Variants in ETV1 observed in about 807,000 individuals in gnomAD.
ETV1 encodes ETS variant transcription factor 1.
ETV1 carries 27 observed loss-of-function variants against 62.3 expected under a neutral mutation model. The observed-to-expected ratio is 0.43, with a 90% CI of 0.32 to 0.60. The LOEUF is 0.60. ETV1 is among the 20% of genes least tolerant of loss of function. ETV1 has a pLI of 0.06. For synonymous variants in ETV1, 222 were observed against 199.6 expected (o/e 1.11, Z -0.94); for missense variants, 605 against 605.8 (o/e 1.00, Z 0.01).
intron 7 of ETV1, among the ~76,000 whole-genome samples, chr7:13,937,487 A>G (rs1386101573): frequency 1.3e-5 from 2 of 152,230 alleles, no homozygotes; most frequent in Non-Finnish European, 2.9e-5. Flanking sequence ...TCATCCCCCA[A>G]AAGAAACACA....
chr7:13,907,708 T>A (rs1783115039), intron 11 of ETV1: 2 of 351,658 alleles, frequency 5.7e-6, no homozygotes, highest in Non-Finnish European at 1.2e-5. Context: ...AAAGAAACAA[T>A]CCAGACAAAA....
chr7:13,961,551 G>A (rs1411707575), intron 6 of ETV1, among the ~76,000 whole-genome samples: 1 of 151,932 alleles, frequency 6.6e-6, no homozygotes, highest in Non-Finnish European at 1.5e-5. Flanking sequence ...AATTATTATT[G>A]CTTTACATTG....
At chr7:13,903,143 T>C (rs1782604478) in intron 12 of ETV1, among the ~76,000 whole-genome samples, 1 of 152,058 alleles carries the variant, frequency 6.6e-6, no homozygotes, top group Non-Finnish European at 1.5e-5. Flanking sequence ...GTTTCCAATA[T>C]GGAGTGGGAA....
chr7:13,979,653 A>C (rs1225100954), intron 5 of ETV1, among the ~76,000 whole-genome samples: 2 of 152,172 alleles, frequency 1.3e-5, no homozygotes, highest in Non-Finnish European at 2.9e-5. Flanking sequence ...ACAGCTAAAC[A>C]GATATAACTA....
At chr7:13,910,309 C>T (rs949553787) in intron 10 of ETV1, among the ~76,000 whole-genome samples, 16 of 141,838 alleles carry the variant, frequency 1.1e-4, no homozygotes, top group African/African-American at 4.2e-4. Flanking sequence ...ATAATAATGT[C>T]CTCTCTCAAA....
intron 7 of ETV1, among the ~76,000 whole-genome samples, chr7:13,937,857 G>A (rs547701809): frequency 9.2e-5 from 14 of 152,270 alleles, no homozygotes; most frequent in Middle Eastern, 3.4e-3. Context: ...GAACCTCTTA[G>A]AAAAGCAAAT....
At position 13,892,055 on chromosome 7, in the gene ETV1, T is replaced by C. The variant is rs1425292758; in HGVS notation, c.*3811A>G. 3 of 232,084 alleles carry C rather than the reference T, an allele frequency of 1.3e-5. No homozygotes were observed. The highest frequency in any genetic ancestry group is 1.7e-5 in the Non-Finnish European group (2 of 117,474). The allele number at this position is 232,084 out of a possible 1,614,324, so 14.4% of individuals were successfully genotyped here. ...GCAATATATTTCTTTCCTGGTTATA[T>C]AAAGATAAGTTGACTCATTTTGCAA... On this transcript the variant is annotated 3_prime_UTR_variant, in exon 14 of 14. Coordinates refer to ENST00000430479, the MANE Select transcript of ETV1 (RefSeq NM_004956.5).
chr7:13,965,075 C>T (rs1432939317), intron 6 of ETV1, among the ~76,000 whole-genome samples: 1 of 152,144 alleles, frequency 6.6e-6, no homozygotes, highest in African/African-American at 2.4e-5. Flanking sequence ...CTACTGCCTC[C>T]ATTCCCAAAC....
At chr7:13,983,425 T>C (rs1317435848) in intron 5 of ETV1, among the ~76,000 whole-genome samples, 2 of 151,978 alleles carry the variant, frequency 1.3e-5, no homozygotes, top group Non-Finnish European at 2.9e-5. Flanking sequence ...TTTCAGGTTG[T>C]TAAGAATAAG....
intron 7 of ETV1, among the ~76,000 whole-genome samples, chr7:13,937,534 A>G (rs539887848): frequency 6.6e-6 from 1 of 152,346 alleles, no homozygotes; most frequent in African/African-American, 2.4e-5. Flanking sequence ...TGATTTGTGG[A>G]TGTCAGATAT....
intron 7 of ETV1, among the ~76,000 whole-genome samples, chr7:13,936,634 G>A (rs2128456866): frequency 6.6e-6 from 1 of 152,252 alleles, no homozygotes; most frequent in East Asian, 1.9e-4. Flanking sequence ...GCTTTCCTAG[G>A]TGTAACTTTC....
At chr7:13,978,600 C>G (rs1176377953) in intron 5 of ETV1, among the ~76,000 whole-genome samples, 1 of 151,792 alleles carries the variant, frequency 6.6e-6, no homozygotes, top group East Asian at 1.9e-4. Context: ...CTTAAATGAG[C>G]CTATTCTGCA....
chr7:13,982,162 A>C (rs1782050116), intron 5 of ETV1, among the ~76,000 whole-genome samples: 1 of 152,066 alleles, frequency 6.6e-6, no homozygotes, highest in Non-Finnish European at 1.5e-5. Flanking sequence ...TCCTAACTAA[A>C]ACTGACCTGC....
chr7:13,962,200 C>A (rs1258652725), intron 6 of ETV1, among the ~76,000 whole-genome samples: 2 of 149,920 alleles, frequency 1.3e-5, no homozygotes, highest in African/African-American at 5.0e-5. Flanking sequence ...CACACACACA[C>A]ACGTGTGTGT....
intron 5 of ETV1, among the ~76,000 whole-genome samples, chr7:13,981,809 G>C (rs1583892283): frequency 1.3e-5 from 2 of 152,030 alleles, no homozygotes; most frequent in East Asian, 3.9e-4. Context: ...AATTTCTCAT[G>C]AGAAATTTAA....
intron 6 of ETV1, among the ~76,000 whole-genome samples, chr7:13,943,757 A>G (rs919441695): frequency 1.3e-5 from 2 of 152,222 alleles, no homozygotes; most frequent in Admixed American, 1.3e-4. Context: ...CTTGCTGGAA[A>G]CATTTTATAT....
intron 6 of ETV1, among the ~76,000 whole-genome samples, chr7:13,942,874 A>G (rs1328348198): frequency 6.6e-6 from 1 of 152,180 alleles, no homozygotes; most frequent in Non-Finnish European, 1.5e-5. Flanking sequence ...ATTGGAGACT[A>G]TAATGTTTAA....
chr7:13,947,812 G>T (rs1247467452), intron 6 of ETV1, among the ~76,000 whole-genome samples: 1 of 152,188 alleles, frequency 6.6e-6, no homozygotes, highest in Non-Finnish European at 1.5e-5. Context: ...TCCTGAGAGG[G>T]TGAAGGAATA....
intron 5 of ETV1, 41 bp from the exon 6 acceptor site, chr7:13,977,521 A>C: frequency 1.5e-6 from 2 of 1,351,468 alleles, no homozygotes; most frequent in Non-Finnish European, 2.1e-6. Context: ...TAAGAGAGAA[A>C]CTGCCAAAAG....
Sources: allele counts gnomAD v4.1 joint callset (sites outside exome capture counted in the v4.1 genomes callset), GRCh38; gene constraint gnomAD v4.1.1; transcripts MANE v1.5; gene names NCBI Gene and HGNC (gene_info 2026-07-23, HGNC 2026-07-21).